SMARCA2: variants seen among roughly 807,000 people sequenced by gnomAD.
The protein encoded by SMARCA2 is SWI/SNF related BAF chromatin remodeling complex subunit ATPase 2, also known as SWI/SNF-related matrix-associated actin-dependent regulator of chromatin subfamily A member 2.
Under a neutral mutation model 199.8 loss-of-function variants are expected in SMARCA2, and 61 were observed. That is an observed-to-expected ratio of 0.31 (90% CI 0.25 to 0.38). SMARCA2 has a LOEUF of 0.38. SMARCA2 is among the 10% of genes least tolerant of loss of function. The pLI is 1.00. For synonymous variants in SMARCA2, 935 were observed against 732.0 expected, an observed-to-expected ratio of 1.28 and a Z score of -4.48; for missense variants, 1,344 against 2,012.2, an observed-to-expected ratio of 0.67 and a Z score of 6.35.
intron 6 of SMARCA2, among the ~76,000 whole-genome samples, chr9:2,055,353 A>T (rs1820305548): frequency 6.6e-6 from 1 of 152,250 alleles, no homozygotes; most frequent in African/African-American, 2.4e-5. Flanking sequence ...CTAAATTAGT[A>T]AGAGACAAGT....
chr9:2,047,131 G>T, intron 4 of SMARCA2, 98 bp from the exon 5 acceptor site: 9 of 865,834 alleles, frequency 1.0e-5, no homozygotes, highest in South Asian at 5.3e-5. Flanking sequence ...GACACTTAAT[G>T]GTCCCCAGCA....
chr9:2,160,075 T>C, intron 27 of SMARCA2: 1 of 823,330 alleles, frequency 1.2e-6, no homozygotes, highest in South Asian at 2.0e-5. Context: ...CATGCTGTAT[T>C]TATTATTAGC....
rs545815855 is a variant in SMARCA2 at position 2,193,429 on chromosome 9, G to A, written c.*690G>A. The A allele has an allele frequency of 6.5e-6, 1 of 152,680 alleles. No individual in the cohort carries two copies. Among genetic ancestry groups the A allele is most frequent in the South Asian group, 2.1e-4 (1 of 4,828 alleles). 9.5% of individuals were successfully genotyped at this position (152,680 alleles called of 1,614,324 possible). A position where few individuals can be genotyped will look rare whatever the true frequency, so the allele number is the denominator to read the frequency against. On this transcript the variant is annotated 3_prime_UTR_variant, in exon 34 of 34. Transcript: ENST00000349721. Reference sequence around the variant, plus strand: ...TTGCAATCTATATAGTGTATTGGATGGCTTCTTTTGTCACCCTGATCTCCT... The same window carrying A: ...TTGCAATCTATATAGTGTATTGGATAGCTTCTTTTGTCACCCTGATCTCCT...
chr9:2,182,183 G>A lies in SMARCA2; in HGVS notation c.4402G>A (p.Glu1468Lys). ...TAAGTACCGGAGCCTAGGCGACCTG[G>A]AGAAGGATGTCATGCTTCTCTGTCA... is the stretch of plus-strand genomic sequence containing the variant. Reference protein sequence around the residue: ...NHKYRSLGDLEKDVMLLCHNA... With the variant: ...NHKYRSLGDLKKDVMLLCHNA... The change falls in exon 31 of 34, where the codon GAG becomes AAG. Residue 1468 changes from glutamate to lysine, a missense_variant. By Grantham distance (56) the Glu-to-Lys change is moderately conservative. Coordinates refer to ENST00000349721, the MANE Select transcript of SMARCA2 (RefSeq NM_003070.5). 6.2e-7 allele frequency: 1 copy of A among 1,613,814 alleles called. No individual in the cohort carries two copies. Among genetic ancestry groups the A allele is most frequent in the Non-Finnish European group, 8.5e-7 (1 of 1,179,728 alleles).
intron 31 of SMARCA2, among the ~76,000 whole-genome samples, chr9:2,184,899 G>A (rs1017167131): frequency 6.6e-6 from 1 of 151,910 alleles, no homozygotes; most frequent in Non-Finnish European, 1.5e-5. Flanking sequence ...CATACTCACT[G>A]CCTATATTGT....
At chr9:2,144,941 G>GA (rs981925324) in intron 27 of SMARCA2, among the ~76,000 whole-genome samples, 5 of 151,790 alleles carry the variant, frequency 3.3e-5, no homozygotes, top group African/African-American at 7.3e-5. Context: ...ATCTGTGAAT[G>GA]AAAAAAAAGC....
At chr9:2,190,650 CAG>C (rs540289450) in intron 32 of SMARCA2, among the ~76,000 whole-genome samples, 136 of 151,982 alleles carry the variant, frequency 8.9e-4, no homozygotes, top group Admixed American at 2.4e-3. Flanking sequence ...CACATACACA[CAG>C]AGAGAGAGAA....
chr9:2,079,369 G>A (rs967803833), intron 14 of SMARCA2, among the ~76,000 whole-genome samples: 1 of 152,152 alleles, frequency 6.6e-6, no homozygotes, highest in African/African-American at 2.4e-5. Context: ...AAGTGTACTT[G>A]TTGGCATCGG....
intron 27 of SMARCA2, chr9:2,158,886 C>T (rs1825516348): frequency 6.4e-7 from 1 of 1,565,660 alleles, no homozygotes; most frequent in African/African-American, 1.4e-5. Flanking sequence ...TAAAGCACTG[C>T]ATATGGATGT....
chr9:2,186,612 A>C (rs1586816100), intron 32 of SMARCA2, among the ~76,000 whole-genome samples: 2 of 150,444 alleles, frequency 1.3e-5, no homozygotes, highest in South Asian at 4.2e-4. Context: ...TGCAACCTCC[A>C]CCTCCCAGGT....
At chr9:2,190,358 C>T (rs893090644) in intron 32 of SMARCA2, among the ~76,000 whole-genome samples, 4 of 152,178 alleles carry the variant, frequency 2.6e-5, no homozygotes, top group Admixed American at 2.6e-4. Flanking sequence ...AAGCAGCAAA[C>T]TTCAGCCCTC....
intron 14 of SMARCA2, 76 bp downstream of exon 14, chr9:2,077,852 T>G: frequency 1.5e-6 from 2 of 1,360,322 alleles, no homozygotes; most frequent in Non-Finnish European, 2.0e-6. Flanking sequence ...GTCGTGCACA[T>G]GTTGACTAAG....
chr9:2,153,884 G>C (rs887565836), intron 27 of SMARCA2, among the ~76,000 whole-genome samples: 12 of 152,218 alleles, frequency 7.9e-5, no homozygotes, highest in East Asian at 5.8e-4. Context: ...TTTGCTGAAA[G>C]TCTTCCTAAG....
At chr9:2,027,715 G>C (rs1818894672) in intron 1 of SMARCA2, 1 of 152,210 alleles carries the variant, frequency 6.6e-6, no homozygotes, top group African/African-American at 2.4e-5. Context: ...TGTGGGTAAA[G>C]AGCCCTGCTA....
chr9:2,137,473 G>C (rs1486767697), intron 27 of SMARCA2, among the ~76,000 whole-genome samples: 1 of 152,030 alleles, frequency 6.6e-6, no homozygotes, highest in African/African-American at 2.4e-5. Flanking sequence ...TCTCCTTCTA[G>C]TCCTTGGCAC....
intron 2 of SMARCA2, chr9:2,032,708 A>G (rs1819124407): frequency 8.5e-6 from 3 of 351,386 alleles, no homozygotes; most frequent in South Asian, 8.9e-5. Flanking sequence ...GCCTGTTCTG[A>G]TATTACAAAA....
At chr9:2,157,206 C>A (rs1455898272) in intron 27 of SMARCA2, among the ~76,000 whole-genome samples, 2 of 152,044 alleles carry the variant, frequency 1.3e-5, no homozygotes, top group Non-Finnish European at 2.9e-5. Flanking sequence ...TGTAAAATTC[C>A]ACTATTTTGT....
At chr9:2,070,053 A>G (rs1376888231) in intron 9 of SMARCA2, among the ~76,000 whole-genome samples, 1 of 152,168 alleles carries the variant, frequency 6.6e-6, no homozygotes, top group African/African-American at 2.4e-5. Flanking sequence ...GGGATAGGAA[A>G]GTTGAGCTAA....
At chr9:2,090,418 G>C (rs763121579) in intron 19 of SMARCA2, among the ~76,000 whole-genome samples, 87 of 152,134 alleles carry the variant, frequency 5.7e-4, no homozygotes, top group Non-Finnish European at 9.3e-4. Flanking sequence ...CATGGGCTCT[G>C]CCTGTCAGAG....
Sources: allele counts gnomAD v4.1 joint callset (sites outside exome capture counted in the v4.1 genomes callset), GRCh38; gene constraint gnomAD v4.1.1; transcripts MANE v1.5; gene names NCBI Gene and HGNC (gene_info 2026-07-23, HGNC 2026-07-21).